Variants in SLC9A9 observed in about 807,000 individuals in gnomAD.
SLC9A9 encodes solute carrier family 9 member A9, also known as sodium/hydrogen exchanger 9.
In SLC9A9, 62 loss-of-function variants were observed where a neutral mutation model predicts 77.8. The ratio of observed to expected loss-of-function variants is 0.80; its 90% CI spans 0.65 to 0.98. The LOEUF is 0.98. Among genes scored for constraint, SLC9A9 ranks in the 50% least tolerant of loss-of-function variants. SLC9A9 has a pLI of 0.00. For synonymous variants in SLC9A9, 320 were observed against 283.5 expected, an observed-to-expected ratio of 1.13 and a Z score of -1.29; for missense variants, 775 against 774.9, an observed-to-expected ratio of 1.00 and a Z score of 0.00.
intron 6 of SLC9A9, among the ~76,000 whole-genome samples, chr3:143,609,307 G>C (rs929754428): frequency 6.6e-6 from 1 of 152,176 alleles, no homozygotes; most frequent in Non-Finnish European, 1.5e-5. Context: ...TTGGCACTTG[G>C]AGTTGGTGAA....
intron 6 of SLC9A9, among the ~76,000 whole-genome samples, chr3:143,591,624 G>A (rs2037646711): frequency 6.6e-6 from 1 of 152,224 alleles, no homozygotes; most frequent in Admixed American, 6.5e-5. Context: ...GCAATTAATA[G>A]ACCTGTCTTG....
chr3:143,512,241 T>C (rs1576545584), intron 9 of SLC9A9, among the ~76,000 whole-genome samples: 1 of 152,250 alleles, frequency 6.6e-6, no homozygotes, highest in Admixed American at 6.5e-5. Context: ...ATTAGGAATA[T>C]GTAATAAAAC....
intron 4 of SLC9A9, among the ~76,000 whole-genome samples, chr3:143,770,596 G>A (rs920986670): frequency 3.9e-5 from 6 of 152,004 alleles, no homozygotes; most frequent in Admixed American, 1.3e-4. Flanking sequence ...ATAAACAAAC[G>A]GACAGATAAG....
intron 4 of SLC9A9, among the ~76,000 whole-genome samples, chr3:143,699,041 C>T (rs1933721782): frequency 6.6e-6 from 1 of 152,160 alleles, no homozygotes; most frequent in Non-Finnish European, 1.5e-5. Context: ...TGGATAGTTT[C>T]AATTTCACAT....
intron 6 of SLC9A9, among the ~76,000 whole-genome samples, chr3:143,625,508 A>G (rs2038305938): frequency 6.6e-6 from 1 of 152,216 alleles, no homozygotes; most frequent in Non-Finnish European, 1.5e-5. Flanking sequence ...AAAACAAACA[A>G]TGGGGAAAAG....
At chr3:143,574,280 A>T in intron 7 of SLC9A9, 87 bp from the exon 8 acceptor site, 2 of 1,062,006 alleles carry the variant, frequency 1.9e-6, no homozygotes, top group East Asian at 2.6e-5. Context: ...TCTGGTGATG[A>T]TAGCTCTAGA....
rs1933541814 is a variant in SLC9A9 at position 143,693,545 on chromosome 3, T to C, written c.534-238A>G. Among the ~76,000 whole-genome samples, 3 of 152,168 alleles carry C rather than the reference T, an allele frequency of 2.0e-5. No individual in the cohort carries two copies. The South Asian group carries it at 6.2e-4, about 31-fold the overall frequency. Reference sequence around the variant, plus strand: ...TAAAAGGTAATGCAACAGTTTATAGTATATTCCAATGAAAACAAGATAAAT... The same window carrying C: ...TAAAAGGTAATGCAACAGTTTATAGCATATTCCAATGAAAACAAGATAAAT... On this transcript the variant is annotated intron_variant, in intron 4 of 15. Transcript: ENST00000316549.
At chr3:143,418,456 TG>T (rs985057307) in intron 12 of SLC9A9, among the ~76,000 whole-genome samples, 6 of 152,032 alleles carry the variant, frequency 3.9e-5, no homozygotes, top group Non-Finnish European at 8.8e-5. Context: ...GGTCTAAACA[TG>T]AGCCTTTAAA....
At chr3:143,560,604 T>G (rs1038156813) in intron 8 of SLC9A9, among the ~76,000 whole-genome samples, 1 of 151,998 alleles carries the variant, frequency 6.6e-6, no homozygotes, top group Non-Finnish European at 1.5e-5. Context: ...AGGTTTTAAA[T>G]TTTTTTTACT....
At chr3:143,554,340 T>G (rs1274579991) in intron 8 of SLC9A9, among the ~76,000 whole-genome samples, 1 of 152,194 alleles carries the variant, frequency 6.6e-6, no homozygotes, top group African/African-American at 2.4e-5. Flanking sequence ...CCTCTCCCAC[T>G]GCCTTCTCCT....
intron 12 of SLC9A9, among the ~76,000 whole-genome samples, chr3:143,395,353 T>C (rs2033699331): frequency 6.6e-6 from 1 of 152,214 alleles, no homozygotes; most frequent in African/African-American, 2.4e-5. Context: ...GGGGAAAGGA[T>C]TCCCTATTTA....
intron 12 of SLC9A9, among the ~76,000 whole-genome samples, chr3:143,406,738 G>A (rs887915985): frequency 1.3e-5 from 2 of 152,078 alleles, no homozygotes; most frequent in Admixed American, 6.5e-5. Context: ...CACTTTGGAA[G>A]GCCAAGGCCG....
At chr3:143,652,164 C>T (rs1034874693) in intron 6 of SLC9A9, 91 bp downstream of exon 6, 4 of 1,037,496 alleles carry the variant, frequency 3.9e-6, no homozygotes, top group Admixed American at 4.0e-5. Context: ...AAGCTAGAGA[C>T]TGCCCGTATC....
At chr3:143,328,219 G>A (rs928394858) in intron 14 of SLC9A9, among the ~76,000 whole-genome samples, 1 of 152,160 alleles carries the variant, frequency 6.6e-6, no homozygotes, top group Non-Finnish European at 1.5e-5. Context: ...TGTCAATATT[G>A]ATGTTAATAA....
chr3:143,483,605 C>G (rs2035608040), intron 11 of SLC9A9, among the ~76,000 whole-genome samples: 2 of 152,120 alleles, frequency 1.3e-5, no homozygotes, highest in African/African-American at 4.8e-5. Flanking sequence ...ACTTTATATG[C>G]TCATCAGAAC....
chr3:143,396,434 A>G (rs2033731268), intron 12 of SLC9A9, among the ~76,000 whole-genome samples: 1 of 151,814 alleles, frequency 6.6e-6, no homozygotes, highest in South Asian at 2.1e-4. Flanking sequence ...CATCACACAC[A>G]GCCTGTTGTG....
At chr3:143,392,803 G>C (rs2033604496) in intron 12 of SLC9A9, among the ~76,000 whole-genome samples, 1 of 152,146 alleles carries the variant, frequency 6.6e-6, no homozygotes, top group Admixed American at 6.5e-5. Flanking sequence ...TGCAATCCTA[G>C]TCTCTGATAA....
intron 12 of SLC9A9, among the ~76,000 whole-genome samples, chr3:143,396,432 A>AC (rs1234074934): frequency 1.3e-5 from 2 of 152,046 alleles, no homozygotes; most frequent in Non-Finnish European, 2.9e-5. Flanking sequence ...AACATCACAC[A>AC]CAGCCTGTTG....
chr3:143,429,480 G>A (rs7620507), intron 12 of SLC9A9, among the ~76,000 whole-genome samples: 175 of 152,280 alleles, frequency 1.1e-3, no homozygotes, highest in African/African-American at 3.7e-3. Flanking sequence ...AGAGCCTGGC[G>A]GAGTCTATTT....
Sources: allele counts gnomAD v4.1 joint callset (sites outside exome capture counted in the v4.1 genomes callset), GRCh38; gene constraint gnomAD v4.1.1; transcripts MANE v1.5; gene names NCBI Gene and HGNC (gene_info 2026-07-23, HGNC 2026-07-21).